Variants in CSMD1 observed in about 807,000 individuals in gnomAD.
CSMD1 encodes CUB and Sushi multiple domains 1.
CSMD1 carries 213 observed loss-of-function variants against 417.5 expected under a neutral mutation model. That is an observed-to-expected ratio of 0.51 (90% CI 0.46 to 0.57). CSMD1 has a LOEUF of 0.57. Among genes scored for constraint, CSMD1 ranks in the 20% least tolerant of loss-of-function variants. The pLI, the probability that CSMD1 is intolerant of heterozygous loss-of-function variation, is 0.00. For synonymous variants in CSMD1, 2,862 were observed against 1,736.8 expected, an observed-to-expected ratio of 1.65 and a Z score of -16.11; for missense variants, 6,923 against 4,529.7, an observed-to-expected ratio of 1.53 and a Z score of -15.17.
intron 42 of CSMD1, among the ~76,000 whole-genome samples, chr8:3,116,997 TTAAA>T (rs1816913111): frequency 6.6e-6 from 1 of 152,174 alleles, no homozygotes; most frequent in Admixed American, 6.5e-5. Flanking sequence ...TTATATGTAA[TTAAA>T]TAAATATTAG....
intron 3 of CSMD1, among the ~76,000 whole-genome samples, chr8:4,177,210 G>A (rs200642093): frequency 6.6e-6 from 1 of 152,066 alleles, no homozygotes; most frequent in African/African-American, 2.4e-5. Context: ...TGTAAAAGAA[G>A]AGAAATTATA....
At chr8:4,355,729 T>C (rs1039739635) in intron 3 of CSMD1, among the ~76,000 whole-genome samples, 4 of 152,204 alleles carry the variant, frequency 2.6e-5, no homozygotes, top group African/African-American at 7.2e-5. Flanking sequence ...AATGCATCTT[T>C]ATTCATTTTC....
At chr8:3,669,592 C>A (rs558687052) in intron 7 of CSMD1, among the ~76,000 whole-genome samples, 1 of 152,280 alleles carries the variant, frequency 6.6e-6, no homozygotes, top group South Asian at 2.1e-4. Context: ...CTCTTCCGGA[C>A]AGAAAATCAC....
chr8:3,028,214 A>C (rs1303078775), intron 51 of CSMD1, among the ~76,000 whole-genome samples: 11 of 152,156 alleles, frequency 7.2e-5, no homozygotes, highest in Admixed American at 1.3e-4. Context: ...GAAGAGTCTA[A>C]AATAGGCAAA....
At chr8:3,281,267 AC>A (rs1278149849) in intron 26 of CSMD1, among the ~76,000 whole-genome samples, 1 of 152,034 alleles carries the variant, frequency 6.6e-6, no homozygotes, top group Non-Finnish European at 1.5e-5. Context: ...GGATAATGAA[AC>A]CCTGTCTAGG....
chr8:3,301,054 C>T (rs1457053885), intron 25 of CSMD1, among the ~76,000 whole-genome samples: 2 of 150,296 alleles, frequency 1.3e-5, no homozygotes, highest in Non-Finnish European at 3.0e-5. Flanking sequence ...GTCCACACCA[C>T]ACAATATACA....
At chr8:3,677,729 G>A (rs141023554) in intron 7 of CSMD1, among the ~76,000 whole-genome samples, 11 of 151,956 alleles carry the variant, frequency 7.2e-5, no homozygotes, top group African/African-American at 2.7e-4. Context: ...TCTGTCTTTT[G>A]GAAAAAAGCC....
At chr8:3,637,300 T>A (rs1236625415) in intron 7 of CSMD1, among the ~76,000 whole-genome samples, 1 of 152,160 alleles carries the variant, frequency 6.6e-6, no homozygotes, top group Non-Finnish European at 1.5e-5. Flanking sequence ...TTGGGGGAGT[T>A]TCATAAACAA....
intron 10 of CSMD1, among the ~76,000 whole-genome samples, chr8:3,570,522 G>C (rs180990808): frequency 2.0e-4 from 30 of 151,414 alleles, no homozygotes; most frequent in Admixed American, 1.7e-3. Flanking sequence ...GGTTGCAGAC[G>C]TCTTGAGAAC....
At chr8:4,380,052 T>C (rs992267576) in intron 3 of CSMD1, among the ~76,000 whole-genome samples, 1 of 152,170 alleles carries the variant, frequency 6.6e-6, no homozygotes, top group East Asian at 1.9e-4. Flanking sequence ...TAAATATCCA[T>C]CAATCCATAT....
rs1157395712 is a variant in CSMD1, at chr8:3,346,539, T to C, written c.3474+1453A>G. Among the ~76,000 whole-genome samples the C allele has an allele frequency of 2.0e-5, 3 of 152,180 alleles. 1 individual carries two copies. Among genetic ancestry groups the C allele is most frequent in the African/African-American group, 7.2e-5 (3 of 41,454 alleles). On this transcript the variant is annotated intron_variant, in intron 22 of 69. Coordinates refer to ENST00000635120, the MANE Select transcript of CSMD1 (RefSeq NM_033225.6). ...GTGAGATTTCAAAAGACTATTAAAATGAAAGAACAACTAGAATAAAACCAC... is the reference window on the plus strand; with the variant it reads ...GTGAGATTTCAAAAGACTATTAAAACGAAAGAACAACTAGAATAAAACCAC...
At chr8:4,581,400 T>A (rs537202547) in intron 2 of CSMD1, among the ~76,000 whole-genome samples, 2 of 152,344 alleles carry the variant, frequency 1.3e-5, no homozygotes, top group South Asian at 4.1e-4. Context: ...GTTTAAGATA[T>A]GACTCCAATT....
intron 1 of CSMD1, among the ~76,000 whole-genome samples, chr8:4,643,888 T>C (rs1436068674): frequency 6.6e-6 from 1 of 152,166 alleles, no homozygotes; most frequent in Non-Finnish European, 1.5e-5. Context: ...AGGAACACCA[T>C]GCCCTGTAGG....
chr8:3,428,266 A>G (rs1204435040), intron 12 of CSMD1, among the ~76,000 whole-genome samples: 1 of 152,202 alleles, frequency 6.6e-6, no homozygotes, highest in African/African-American at 2.4e-5. Flanking sequence ...AAGTCACTTT[A>G]GAAAACAAAC....
At chr8:4,411,677 C>T (rs918897488) in intron 3 of CSMD1, among the ~76,000 whole-genome samples, 13 of 152,188 alleles carry the variant, frequency 8.5e-5, no homozygotes, top group Non-Finnish European at 1.8e-4. Context: ...CACATTTTCT[C>T]CTACACGTTT....
At chr8:3,292,089 G>A (rs1378569867) in intron 25 of CSMD1, among the ~76,000 whole-genome samples, 1 of 152,124 alleles carries the variant, frequency 6.6e-6, no homozygotes, top group African/African-American at 2.4e-5. Context: ...TATTTACTCA[G>A]TAGTCATTCA....
intron 3 of CSMD1, among the ~76,000 whole-genome samples, chr8:4,239,844 A>G (rs1802285562): frequency 6.6e-6 from 1 of 152,232 alleles, no homozygotes. Context: ...TGTCTACACT[A>G]TTTTGGAATA....
chr8:4,398,388 CTTTTTTTT>C (rs767579097), intron 3 of CSMD1, among the ~76,000 whole-genome samples: 1 of 114,494 alleles, frequency 8.7e-6, no homozygotes, highest in Admixed American at 1.0e-4. Context: ...GCTGCAACTT[CTTTTTTTT>C]TTTTTTTTTT....
chr8:3,856,731 C>G (rs772977174), intron 5 of CSMD1, among the ~76,000 whole-genome samples: 1 of 152,132 alleles, frequency 6.6e-6, no homozygotes, highest in African/African-American at 2.4e-5. Flanking sequence ...AAAAATCTTT[C>G]AAAGCCTGTG....
Sources: allele counts gnomAD v4.1 joint callset (sites outside exome capture counted in the v4.1 genomes callset), GRCh38; gene constraint gnomAD v4.1.1; transcripts MANE v1.5; gene names NCBI Gene and HGNC (gene_info 2026-07-23, HGNC 2026-07-21).